The following ACER2 variants were observed in gnomAD, a reference collection of about 807,000 sequenced individuals.
ACER2 encodes alkaline ceramidase 2.
ACER2 carries 26 observed loss-of-function variants against 34.7 expected under a neutral mutation model. The ratio of observed to expected loss-of-function variants is 0.75; its 90% CI spans 0.55 to 1.04. The LOEUF (loss-of-function observed/expected upper bound fraction) is 1.04. Among genes scored for constraint, ACER2 ranks in the 50% least tolerant of loss-of-function variants. The probability of loss-of-function intolerance (pLI) is 0.00; values close to 1 mark genes in which losing one functional copy is unlikely to be tolerated. For missense variants in ACER2, 352 were observed against 340.8 expected, an observed-to-expected ratio of 1.03 and a Z score of -0.26; for synonymous variants, 138 against 132.1, an observed-to-expected ratio of 1.04 and a Z score of -0.31.
chr9:19,422,009 C>G (rs968719539), intron 1 of ACER2, among the ~76,000 whole-genome samples: 1 of 151,716 alleles, frequency 6.6e-6, no homozygotes, highest in Non-Finnish European at 1.5e-5. Flanking sequence ...CTAGGCTGGA[C>G]GCGGTGACTC....
At chr9:19,419,266 G>A (rs779797815) in intron 1 of ACER2, among the ~76,000 whole-genome samples, 7 of 152,166 alleles carry the variant, frequency 4.6e-5, no homozygotes, top group Non-Finnish European at 1.0e-4. Context: ...CTCCATGCCT[G>A]CTTCTTGGTA....
intron 4 of ACER2, among the ~76,000 whole-genome samples, chr9:19,436,382 C>T (rs1830976193): frequency 6.6e-6 from 1 of 152,166 alleles, no homozygotes; most frequent in South Asian, 2.1e-4. Flanking sequence ...AAAAAGAAAT[C>T]TGTCACTTAT....
chr9:19,433,860 G>A (rs866781266), intron 3 of ACER2, among the ~76,000 whole-genome samples: 2 of 151,956 alleles, frequency 1.3e-5, no homozygotes, highest in East Asian at 2.0e-4. Flanking sequence ...AGGGGCGGTC[G>A]GGCAGAGGTG....
intron 4 of ACER2, among the ~76,000 whole-genome samples, chr9:19,441,333 G>C (rs954075494): frequency 6.6e-6 from 1 of 152,156 alleles, no homozygotes; most frequent in Non-Finnish European, 1.5e-5. Flanking sequence ...ACAGGCATGA[G>C]CCACATGCCC....
chr9:19,427,056 G>A (rs1397640773), intron 3 of ACER2, among the ~76,000 whole-genome samples: 5 of 152,184 alleles, frequency 3.3e-5, no homozygotes, highest in Non-Finnish European at 7.3e-5. Flanking sequence ...CCTGGCTTTG[G>A]AAGCAATCTG....
At chr9:19,436,586 A>G (rs1308669633) in intron 4 of ACER2, among the ~76,000 whole-genome samples, 1 of 151,914 alleles carries the variant, frequency 6.6e-6, no homozygotes, top group African/African-American at 2.4e-5. Flanking sequence ...AAATTAGCTC[A>G]TTCTCGTATG....
chr9:19,424,682 G>A lies in ACER2; in HGVS notation c.224-18G>A, dbSNP rs1481216212. The A allele has an allele frequency of 6.2e-7, 1 of 1,610,888 alleles. No individual in the cohort carries two copies. The highest frequency in any genetic ancestry group is 8.5e-7 in the Non-Finnish European group (1 of 1,179,542). On this transcript the variant is annotated intron_variant, in intron 2 of 5. Coordinates refer to ENST00000340967, the MANE Select transcript of ACER2 (RefSeq NM_001010887.3). ...TCTTCTGTGGTGACCTTTTTTTATT[G>A]GTTGTAATTGATTCTAGGAATTGGA...
intron 3 of ACER2, among the ~76,000 whole-genome samples, chr9:19,434,680 G>A (rs1589055220): frequency 6.6e-6 from 1 of 152,244 alleles, no homozygotes; most frequent in Non-Finnish European, 1.5e-5. Context: ...GGCTGAGGCA[G>A]GAGAATCAGG....
intron 3 of ACER2, among the ~76,000 whole-genome samples, chr9:19,433,121 G>A (rs1031985057): frequency 6.7e-6 from 1 of 149,280 alleles, no homozygotes; most frequent in African/African-American, 2.5e-5. Flanking sequence ...TCTCGAAGTG[G>A]AATTCCTAGG....
At chr9:19,446,472 G>C in intron 5 of ACER2, 54 bp downstream of exon 5, 4 of 1,610,268 alleles carry the variant, frequency 2.5e-6, no homozygotes, top group East Asian at 4.5e-5. Context: ...TGCACTTGCT[G>C]TTGGGCTCTG....
intron 5 of ACER2, among the ~76,000 whole-genome samples, chr9:19,450,027 T>C (rs1831509117): frequency 6.6e-6 from 1 of 152,086 alleles, no homozygotes; most frequent in Non-Finnish European, 1.5e-5. Flanking sequence ...GCAAAAGTGG[T>C]TTAACCAACA....
chr9:19,419,850 T>G (rs1830348710), intron 1 of ACER2, among the ~76,000 whole-genome samples: 1 of 152,178 alleles, frequency 6.6e-6, no homozygotes, highest in Non-Finnish European at 1.5e-5. Context: ...ACTTAGGTAT[T>G]TCAGACCTGG....
intron 3 of ACER2, among the ~76,000 whole-genome samples, chr9:19,434,117 C>A (rs1351445585): frequency 6.9e-6 from 1 of 144,270 alleles, no homozygotes; most frequent in African/African-American, 2.6e-5. Context: ...GGCAGAGGCG[C>A]TCCTCACATC....
intron 1 of ACER2, among the ~76,000 whole-genome samples, chr9:19,418,747 G>A (rs979033871): frequency 6.6e-6 from 1 of 152,134 alleles, no homozygotes; most frequent in African/African-American, 2.4e-5. Context: ...TAATGTAGAT[G>A]ATGGGTTGAT....
intron 1 of ACER2, among the ~76,000 whole-genome samples, chr9:19,418,781 C>T (rs1384269311): frequency 1.3e-5 from 2 of 152,068 alleles, no homozygotes; most frequent in East Asian, 1.9e-4. Context: ...CACCATGGCA[C>T]GTGTATAGCT....
rs916422626 is a variant in ACER2 at position 19,430,841 on chromosome 9, C to T, written c.366-4106C>T. On this transcript the variant is annotated intron_variant, in intron 3 of 5. Transcript: ENST00000340967. ...AGGGTGGTGGCAGGTGCCTGTAATC[C>T]CAGCTACTCCGGAGGCTGAGGCAGG... Among the ~76,000 whole-genome samples the T allele has an allele frequency of 4.6e-5, 7 of 152,058 alleles. No homozygotes were observed. In the East Asian group the frequency reaches 1.4e-3, roughly 29 times the overall value.
At chr9:19,442,679 C>G (rs2132523164) in intron 4 of ACER2, among the ~76,000 whole-genome samples, 1 of 152,350 alleles carries the variant, frequency 6.6e-6, no homozygotes, top group South Asian at 2.1e-4. Context: ...TTTAATTTCA[C>G]TGGATGTTCA....
intron 1 of ACER2, among the ~76,000 whole-genome samples, chr9:19,413,634 C>T (rs1358335457): frequency 6.6e-6 from 1 of 151,684 alleles, no homozygotes; most frequent in African/African-American, 2.4e-5. Context: ...ATATTTAAGG[C>T]CCCAGTCACA....
At chr9:19,435,115 C>G (rs1391761658) in intron 4 of ACER2, 31 bp downstream of exon 4, 21 of 1,612,244 alleles carry the variant, frequency 1.3e-5, no homozygotes, top group Non-Finnish European at 1.8e-5. Context: ...CTACCCTTAG[C>G]TGTCCCCGTG....
Sources: allele counts gnomAD v4.1 joint callset (sites outside exome capture counted in the v4.1 genomes callset), GRCh38; gene constraint gnomAD v4.1.1; transcripts MANE v1.5; gene names NCBI Gene and HGNC (gene_info 2026-07-23, HGNC 2026-07-21).